Variants in SPRR2B observed in about 807,000 individuals in gnomAD.
SPRR2B encodes small proline rich protein 2B.
A neutral mutation model predicts 1.0 loss-of-function variants in SPRR2B; 1 was observed. That is an observed-to-expected ratio of 1.01 (90% CI 0.36 to 4.77). The LOEUF is 4.77. SPRR2B is among the 30% of genes most tolerant of loss of function. The pLI, the probability that SPRR2B is intolerant of heterozygous loss-of-function variation, is 0.16. For missense variants in SPRR2B, 53 were observed against 88.7 expected, an observed-to-expected ratio of 0.60 and a Z score of 1.62; for synonymous variants, 27 against 33.4, an observed-to-expected ratio of 0.81 and a Z score of 0.66.
chr1:153,080,930 T>C, the SPRR2B span, among the ~76,000 whole-genome samples: 4 of 152,162 alleles, frequency 2.6e-5, no homozygotes, highest in Non-Finnish European at 5.9e-5. Flanking sequence ...TGGTACACAC[T>C]CATGCAATGG....
At chr1:153,081,309 A>G in the SPRR2B span, among the ~76,000 whole-genome samples, 16 of 152,236 alleles carry the variant, frequency 1.1e-4, no homozygotes, top group Non-Finnish European at 2.1e-4. Context: ...CAAGAGGAAA[A>G]TGAATCATGA....
chr1:153,079,532 A>G, the SPRR2B span, among the ~76,000 whole-genome samples: 1 of 152,088 alleles, frequency 6.6e-6, no homozygotes, highest in African/African-American at 2.4e-5. Context: ...ATCTTGAATT[A>G]ATTTTTGTAT....
the SPRR2B span, among the ~76,000 whole-genome samples, chr1:153,083,742 A>G: frequency 6.6e-6 from 1 of 152,214 alleles, no homozygotes; most frequent in Non-Finnish European, 1.5e-5. Context: ...TTCCAGCAGG[A>G]GAAGACCCCC....
At chr1:153,081,517 C>T in the SPRR2B span, among the ~76,000 whole-genome samples, 1 of 152,150 alleles carries the variant, frequency 6.6e-6, no homozygotes, top group Non-Finnish European at 1.5e-5. Flanking sequence ...CAGTTCACTG[C>T]CTGTAGAGTT....
chr1:153,074,307 T>C (rs1180087904), upstream of SPRR2B, among the ~76,000 whole-genome samples: 2 of 152,160 alleles, frequency 1.3e-5, no homozygotes, highest in Admixed American at 1.3e-4. Context: ...TTCAATACTA[T>C]ACATTCCACT....
chr1:153,083,815 T>C, the SPRR2B span, among the ~76,000 whole-genome samples: 1 of 152,232 alleles, frequency 6.6e-6, no homozygotes, highest in Non-Finnish European at 1.5e-5. Flanking sequence ...AGAGGCAGCA[T>C]GCCAGCTGAC....
the SPRR2B span, among the ~76,000 whole-genome samples, chr1:153,085,970 A>G: frequency 5.9e-5 from 9 of 152,358 alleles, no homozygotes; most frequent in South Asian, 1.7e-3. Context: ...TCCTTTTCGG[A>G]CAAGCAAAGG....
the SPRR2B span, among the ~76,000 whole-genome samples, chr1:153,078,512 T>G: frequency 3.3e-5 from 5 of 149,500 alleles, no homozygotes; most frequent in Non-Finnish European, 5.9e-5. Flanking sequence ...ATCCCTCCCC[T>G]CTACCCCCAC....
the SPRR2B span, among the ~76,000 whole-genome samples, chr1:153,086,860 T>C: frequency 1.3e-5 from 2 of 152,068 alleles, no homozygotes; most frequent in Admixed American, 1.3e-4. Flanking sequence ...ACAAAAGAAC[T>C]GAAATAATAA....
the SPRR2B span, among the ~76,000 whole-genome samples, chr1:153,083,226 G>T: frequency 1.3e-5 from 2 of 152,090 alleles, no homozygotes; most frequent in African/African-American, 4.8e-5. Flanking sequence ...AAAGAAAAAT[G>T]TTGAACCAGA....
chr1:153,077,002 C>T, the SPRR2B span, among the ~76,000 whole-genome samples: 1 of 152,298 alleles, frequency 6.6e-6, no homozygotes, highest in South Asian at 2.1e-4. Flanking sequence ...ACTTATGCAT[C>T]CAAAAATCGC....
At chr1:153,078,699 C>T in the SPRR2B span, among the ~76,000 whole-genome samples, 7 of 151,830 alleles carry the variant, frequency 4.6e-5, no homozygotes, top group African/African-American at 1.2e-4. Flanking sequence ...GAACTCATCA[C>T]TTTTTATGGC....
the SPRR2B span, among the ~76,000 whole-genome samples, chr1:153,086,273 C>T: frequency 6.6e-6 from 1 of 152,172 alleles, no homozygotes; most frequent in African/African-American, 2.4e-5. Context: ...ATGCTGTCTT[C>T]AAGGGACCAA....
chr1:153,073,192 T>C (rs1445358328), upstream of SPRR2B, among the ~76,000 whole-genome samples: 1 of 152,172 alleles, frequency 6.6e-6, no homozygotes, highest in African/African-American at 2.4e-5. Flanking sequence ...GAAATAGAAC[T>C]ATCATGTCAA....
upstream of SPRR2B, among the ~76,000 whole-genome samples, chr1:153,074,111 T>G (rs564539037): frequency 1.3e-5 from 2 of 152,282 alleles, no homozygotes; most frequent in East Asian, 3.9e-4. Flanking sequence ...AATACTTACC[T>G]CTAGTAAATA....
At chr1:153,082,208 TTAAA>T in the SPRR2B span, among the ~76,000 whole-genome samples, 2 of 151,940 alleles carry the variant, frequency 1.3e-5, no homozygotes, top group African/African-American at 4.8e-5. Context: ...CTACAGAAAA[TTAAA>T]TAAACATAAA....
At chr1:153,079,938 C>T in the SPRR2B span, among the ~76,000 whole-genome samples, 2,051 of 152,246 alleles carry the variant, frequency 0.013, 29 homozygotes, top group Admixed American at 0.021. Context: ...GGCATTGAAT[C>T]TATAAATTAC....
intron 1 of SPRR2B, among the ~76,000 whole-genome samples, 43 bp downstream of exon 1, chr1:153,071,526 C>T (rs188987910): frequency 4.7e-4 from 71 of 152,250 alleles, no homozygotes; most frequent in Non-Finnish European, 8.8e-4. Context: ...TTAAATTCAA[C>T]ATTTCAGGGC....
the SPRR2B span, among the ~76,000 whole-genome samples, chr1:153,080,681 G>A: frequency 6.6e-6 from 1 of 152,240 alleles, no homozygotes; most frequent in South Asian, 2.1e-4. Flanking sequence ...CTGTAAGTTT[G>A]AGAAAGGTTA....
Sources: gnomAD v4.1 joint callset for allele counts (sites outside exome capture counted in the v4.1 genomes callset) on GRCh38, gnomAD v4.1.1 for gene constraint, MANE v1.5 for transcripts, NCBI Gene and HGNC (gene_info 2026-07-23, HGNC 2026-07-21) for gene names.